THSD7B: variants seen among roughly 807,000 people sequenced by gnomAD.
THSD7B encodes thrombospondin type 1 domain containing 7B, also known as thrombospondin type-1 domain-containing protein 7B.
A neutral mutation model predicts 213.6 loss-of-function variants in THSD7B; 138 were observed. That is an observed-to-expected ratio of 0.65 (90% CI 0.56 to 0.74). THSD7B has a LOEUF of 0.74. Among genes scored for constraint, THSD7B ranks in the 30% least tolerant of loss-of-function variants. The probability of loss-of-function intolerance (pLI) is 0.00; values close to 1 mark genes in which losing one functional copy is unlikely to be tolerated. For missense variants in THSD7B, 1,931 were observed against 1,991.5 expected (o/e 0.97, Z 0.58); for synonymous variants, 742 against 687.0 (o/e 1.08, Z -1.25).
intron 6 of THSD7B, among the ~76,000 whole-genome samples, chr2:137,163,186 T>C (rs1680052338): frequency 6.6e-6 from 1 of 152,166 alleles, no homozygotes; most frequent in South Asian, 2.1e-4. Flanking sequence ...TTCTCTATAG[T>C]AAAAGTCAAC....
chr2:137,583,900 T>C (rs953626235), intron 17 of THSD7B, among the ~76,000 whole-genome samples: 1 of 152,216 alleles, frequency 6.6e-6, no homozygotes, highest in Non-Finnish European at 1.5e-5. Flanking sequence ...TTGATGGGGA[T>C]GACATTGAAT....
At chr2:137,033,909 T>G (rs1686722619) in intron 2 of THSD7B, among the ~76,000 whole-genome samples, 1 of 152,108 alleles carries the variant, frequency 6.6e-6, no homozygotes, top group Non-Finnish European at 1.5e-5. Context: ...TCATTTACAT[T>G]AGGTATTTCT....
Position 137,405,345 on chromosome 2 carries a change from G to T in THSD7B, c.2501-268G>T, listed in dbSNP as rs181909878. Reference sequence around the variant, plus strand: ...GAGATTAGATGCTGAGGAGCAGGAAGTACAATAAATTACTGGAAGTTATTT... The same window carrying T: ...GAGATTAGATGCTGAGGAGCAGGAATTACAATAAATTACTGGAAGTTATTT... On this transcript the variant is annotated intron_variant, in intron 12 of 27. Transcript: ENST00000409968. Among the ~76,000 whole-genome samples the T allele has an allele frequency of 6.1e-4, 93 of 152,228 alleles. 1 individual carries two copies. In the South Asian group the frequency reaches 0.012, roughly 20 times the overall value.
chr2:137,579,095 T>G (rs2105243039), intron 17 of THSD7B, among the ~76,000 whole-genome samples: 1 of 152,278 alleles, frequency 6.6e-6, no homozygotes, highest in Non-Finnish European at 1.5e-5. Flanking sequence ...AGAAAACATA[T>G]TCTAGAGGGT....
chr2:137,395,146 C>A (rs1488906156), intron 12 of THSD7B, among the ~76,000 whole-genome samples: 2 of 144,346 alleles, frequency 1.4e-5, no homozygotes, highest in Admixed American at 1.4e-4. Flanking sequence ...TAATTGAATA[C>A]CCTTTATTTC....
chr2:136,919,764 G>A (rs1266701121), intron 2 of THSD7B, among the ~76,000 whole-genome samples: 1 of 152,188 alleles, frequency 6.6e-6, no homozygotes, highest in Non-Finnish European at 1.5e-5. Context: ...TACCAAGGGT[G>A]AGCCAGGTGC....
At chr2:136,768,640 A>G (rs1434621395) in intron 1 of THSD7B, among the ~76,000 whole-genome samples, 1 of 152,164 alleles carries the variant, frequency 6.6e-6, no homozygotes, top group East Asian at 1.9e-4. Context: ...AAAGAATAGC[A>G]CTATTAAGGC....
intron 12 of THSD7B, among the ~76,000 whole-genome samples, chr2:137,366,756 T>A (rs184037172): frequency 6.6e-6 from 1 of 152,160 alleles, no homozygotes; most frequent in African/African-American, 2.4e-5. Flanking sequence ...AGAGGACTTA[T>A]GTAATTAAAG....
At chr2:136,787,676 A>G (rs1681891079) in intron 1 of THSD7B, among the ~76,000 whole-genome samples, 1 of 152,130 alleles carries the variant, frequency 6.6e-6, no homozygotes, top group Non-Finnish European at 1.5e-5. Context: ...GGTAGATTGT[A>G]TTAACCTTAT....
chr2:136,888,387 A>C (rs751026892), intron 2 of THSD7B, among the ~76,000 whole-genome samples: 1 of 152,132 alleles, frequency 6.6e-6, no homozygotes, highest in African/African-American at 2.4e-5. Flanking sequence ...CTTAAATAAT[A>C]GTGTTTTCAG....
chr2:137,523,679 GCCC>G (rs888071365), intron 15 of THSD7B, among the ~76,000 whole-genome samples: 19 of 152,078 alleles, frequency 1.2e-4, no homozygotes, highest in African/African-American at 4.6e-4. Flanking sequence ...TCAGGTATGT[GCCC>G]ACTTCCACTG....
intron 15 of THSD7B, among the ~76,000 whole-genome samples, chr2:137,525,588 A>T (rs1349738865): frequency 6.6e-6 from 1 of 152,142 alleles, no homozygotes; most frequent in Non-Finnish European, 1.5e-5. Context: ...TGCATCTGTA[A>T]TTTGTTATGT....
intron 6 of THSD7B, among the ~76,000 whole-genome samples, chr2:137,167,895 G>A (rs528846753): frequency 1.3e-5 from 2 of 152,082 alleles, no homozygotes; most frequent in South Asian, 2.1e-4. Flanking sequence ...AAAGTGTGGC[G>A]AAAACACAAT....
At chr2:137,237,576 G>A (rs769484999) in intron 9 of THSD7B, among the ~76,000 whole-genome samples, 5 of 152,162 alleles carry the variant, frequency 3.3e-5, no homozygotes, top group South Asian at 4.1e-4. Context: ...CAGCATGTGC[G>A]TGTATGTGCA....
intron 1 of THSD7B, among the ~76,000 whole-genome samples, chr2:136,770,280 A>G (rs1173075164): frequency 1.3e-5 from 2 of 152,220 alleles, no homozygotes; most frequent in African/African-American, 4.8e-5. Context: ...GATTTTAATT[A>G]TAATAAGACT....
chr2:136,784,229 A>G (rs1681797132), intron 1 of THSD7B, among the ~76,000 whole-genome samples: 1 of 152,134 alleles, frequency 6.6e-6, no homozygotes. Flanking sequence ...TGAATATTAA[A>G]GTATTCTTCA....
At position 137,667,835 on chromosome 2, in the gene THSD7B, C is replaced by T; in HGVS notation, c.4713C>T (p.Phe1571=). 1 of 1,600,550 alleles carries T rather than the reference C, an allele frequency of 6.2e-7. No individual in the cohort carries two copies. The highest frequency in any genetic ancestry group is 8.5e-7 in the Non-Finnish European group (1 of 1,172,576). Residue 1571 remains phenylalanine (F), a synonymous_variant, in exon 27 of 28, where the codon TTC becomes TTT. Coordinates refer to ENST00000409968, the MANE Select transcript of THSD7B (RefSeq NM_001316349.2). The stretch of plus-strand genomic sequence containing the variant: ...GTGGCGCTTTTCTCATCATGATTTT[C>T]CTAATATTTACTTCCTACCTTGTTT... ...VSGGAFLIMI[F]LIFTSYLVCK...
In THSD7B at chr2:137,211,207, G is replaced by C. The variant is rs150003889; in HGVS notation, c.1724-19837G>C. 4.6e-5 allele frequency among the ~76,000 whole-genome samples: 7 copies of C among 151,992 alleles called. No homozygotes were observed. The East Asian group carries it at 1.4e-3, about 29-fold the overall frequency. ...ACAAATAGATACTGGCCATGAGAAA[G>C]AGTAATTTATAGTTTAACTGTTTAA... On this transcript the variant is annotated intron_variant, in intron 7 of 27. Coordinates refer to ENST00000409968, the MANE Select transcript of THSD7B (RefSeq NM_001316349.2).
intron 15 of THSD7B, among the ~76,000 whole-genome samples, chr2:137,486,269 C>A (rs1437888542): frequency 6.6e-6 from 1 of 151,426 alleles, no homozygotes; most frequent in Non-Finnish European, 1.5e-5. Context: ...TGCAGAGACA[C>A]ACATAGGCTC....
Sources: gnomAD v4.1 joint callset for allele counts (sites outside exome capture counted in the v4.1 genomes callset) on GRCh38, gnomAD v4.1.1 for gene constraint, MANE v1.5 for transcripts, NCBI Gene and HGNC (gene_info 2026-07-23, HGNC 2026-07-21) for gene names.